ZNF268: variants seen among roughly 807,000 people sequenced by gnomAD.
ZNF268 encodes zinc finger protein 268, also known as zinc finger protein 3.
ZNF268 carries 20 observed loss-of-function variants against 29.3 expected under a neutral mutation model. The ratio of observed to expected loss-of-function variants is 0.68; its 90% CI spans 0.48 to 0.99. ZNF268 has a LOEUF of 0.99. Among genes scored for constraint, ZNF268 ranks in the 50% least tolerant of loss-of-function variants. ZNF268 has a pLI of 0.00. For synonymous variants in ZNF268, 429 were observed against 376.9 expected (o/e 1.14, Z -1.60); for missense variants, 1,240 against 1,121.6 (o/e 1.11, Z -1.51).
chr12:133,182,400 T>A (rs1336050654), intron 2 of ZNF268, among the ~76,000 whole-genome samples: 1 of 150,632 alleles, frequency 6.6e-6, no homozygotes, highest in Non-Finnish European at 1.5e-5. Flanking sequence ...CATTTTTTTT[T>A]ATTGTATTTT....
In ZNF268 at chr12:133,207,285, AACCATATTT is replaced by A; in HGVS notation, c.*2756_*2764del. 6.6e-6 allele frequency: 1 copy of A among 151,846 alleles called. No individual in the cohort carries two copies. The highest frequency in any genetic ancestry group is 6.6e-5 in the Admixed American group (1 of 15,212). 9.4% of individuals were successfully genotyped at this position (151,846 alleles called of 1,614,324 possible). A position where few individuals can be genotyped will look rare whatever the true frequency, so the allele number is the denominator to read the frequency against. On this transcript the variant is annotated 3_prime_UTR_variant, in exon 6 of 6. Coordinates refer to ENST00000536435, the MANE Select transcript of ZNF268 (RefSeq NM_003415.3). ...AATTTAGGAGAAAAAATGACTTGCA[AACCATATTT>A]GTGAACATAGGTTTAAAAATCCATA...
chr12:133,201,728 A>T (rs1305032037), intron 5 of ZNF268, among the ~76,000 whole-genome samples: 2 of 152,106 alleles, frequency 1.3e-5, no homozygotes, highest in African/African-American at 4.8e-5. Flanking sequence ...AGAAGTTAGC[A>T]TAGTGTTTGG....
intron 5 of ZNF268, among the ~76,000 whole-genome samples, chr12:133,198,375 T>C (rs1055922365): frequency 9.3e-5 from 14 of 150,892 alleles, no homozygotes; most frequent in African/African-American, 3.4e-4. Flanking sequence ...GAGGGCTCTG[T>C]TCTGTTCCAT....
rs867710467 is a variant in ZNF268 at position 133,203,982 on chromosome 12, C to T, written c.2296C>T (p.Gln766Ter). ...ECGKAFNRKDQLISHQRTHAG... is the reference protein window; with the variant it reads ...ECGKAFNRKD ...TGGGAAAGCCTTTAATAGGAAAGACCAGCTCATTTCACATCAGCGAACTCA... is the reference window on the plus strand; with the variant it reads ...TGGGAAAGCCTTTAATAGGAAAGACTAGCTCATTTCACATCAGCGAACTCA... Residue 766 changes from glutamine to a stop codon, truncating the protein, a stop_gained, in exon 6 of 6, where the codon CAG (glutamine) becomes TAG (stop). Transcript: ENST00000536435. LOFTEE classifies it low-confidence loss of function (END_TRUNC). The T allele has an allele frequency of 3.1e-6, 5 of 1,588,108 alleles. No individual in the cohort carries two copies. The African/African-American group carries it at 5.4e-5, about 17-fold the overall frequency.
chr12:133,189,214 C>CTTTTTT (rs561890644), intron 3 of ZNF268, among the ~76,000 whole-genome samples: 2 of 129,862 alleles, frequency 1.5e-5, no homozygotes, highest in African/African-American at 2.9e-5. Flanking sequence ...GTCTTAATTC[C>CTTTTTT]TTTTTTTTTT....
rs1956811343 is a variant in ZNF268 at position 133,203,529 on chromosome 12, A to C, written c.1843A>C (p.Ser615Arg). The change falls in exon 6 of 6, where the codon AGT becomes CGT. Residue 615 changes from serine to arginine, a missense_variant. By Grantham distance (110) the Ser-to-Arg change is moderately radical. Around this residue, in one of 3 missense-constraint regions of ZNF268, gnomAD observed 1,177 missense variants for 1,039.6 expected, o/e 1.13. Coordinates refer to ENST00000536435, the MANE Select transcript of ZNF268 (RefSeq NM_003415.3). ...THTGEKPFEC[S>R]ECQKAFNTKS... ...TACAGGGGAGAAACCATTTGAATGT[A>C]GTGAGTGTCAGAAAGCCTTTAATAC... 1.9e-6 allele frequency: 3 copies of C among 1,548,718 alleles called. No individual in the cohort carries two copies. The highest frequency in any genetic ancestry group is 2.6e-6 in the Non-Finnish European group (3 of 1,150,628).
chr12:133,198,921 TAAG>T (rs1447861680), intron 5 of ZNF268, among the ~76,000 whole-genome samples: 2 of 142,552 alleles, frequency 1.4e-5, no homozygotes, highest in Non-Finnish European at 3.1e-5. Context: ...CTTATCAGCT[TAAG>T]GAGATTTTGG....
At chr12:133,183,668 T>C (rs1956232382) in intron 2 of ZNF268, among the ~76,000 whole-genome samples, 1 of 152,060 alleles carries the variant, frequency 6.6e-6, no homozygotes, top group Non-Finnish European at 1.5e-5. Context: ...ACTGTCAGAA[T>C]TGTGATTGGT....
intron 5 of ZNF268, among the ~76,000 whole-genome samples, chr12:133,194,551 C>T (rs1956551629): frequency 6.6e-6 from 1 of 152,164 alleles, no homozygotes; most frequent in African/African-American, 2.4e-5. Context: ...CAGGAAAACT[C>T]ATCCCAGGAA....
chr12:133,203,162 A>T lies in ZNF268; in HGVS notation c.1476A>T (p.Arg492Ser). The T allele has an allele frequency of 6.5e-7, 1 of 1,537,726 alleles. No individual in the cohort carries two copies. Among genetic ancestry groups the T allele is most frequent in the Non-Finnish European group, 8.7e-7 (1 of 1,146,820 alleles). ...SLKSQLIVHQ[R>S]SHTGMKPYVC... ...AATCACAGCTCATTGTACATCAGAG[A>T]AGTCACACAGGAATGAAACCTTATG... The change falls in exon 6 of 6, where the codon AGA (arginine) becomes AGT (serine). Residue 492 changes from arginine (R) to serine (S), a missense_variant. Coordinates refer to ENST00000536435, the MANE Select transcript of ZNF268 (RefSeq NM_003415.3).
At chr12:133,200,267 G>T (rs1461959693) in intron 5 of ZNF268, among the ~76,000 whole-genome samples, 1 of 152,140 alleles carries the variant, frequency 6.6e-6, no homozygotes, top group Admixed American at 6.5e-5. Context: ...CTTTATTTCT[G>T]CCTTCATTTC....
At position 133,202,202 on chromosome 12, in the gene ZNF268, G is replaced by A. The variant is rs763815511; in HGVS notation, c.516G>A (p.Leu172=). 1 of 1,607,302 alleles carries A rather than the reference G, an allele frequency of 6.2e-7. No individual in the cohort carries two copies. Among genetic ancestry groups the A allele is most frequent in the Non-Finnish European group, 8.5e-7 (1 of 1,177,008 alleles). ...GGCATCAGGAAAATAAAGACAAGCT[G>A]GGAAGTACGGCAAAAAGCTTTGAAT... ...MDWHQENKDK[L]GSTAKSFECT... is the part of the protein sequence containing the mutation. Residue 172 remains leucine, a synonymous_variant, in exon 6 of 6, where the codon CTG becomes CTA. Transcript: ENST00000536435.
Position 133,212,566 on chromosome 12 carries a change from CATAT to C in ZNF268, c.*8042_*8045del, listed in dbSNP as rs1025146566. 12 of 149,174 alleles carry C rather than the reference CATAT, an allele frequency of 8.0e-5. No individual in the cohort carries two copies. Among genetic ancestry groups the C allele is most frequent in the Non-Finnish European group, 1.6e-4 (11 of 67,420 alleles). 9.2% of individuals were successfully genotyped at this position (149,174 alleles called of 1,614,324 possible). On this transcript the variant is annotated 3_prime_UTR_variant, in exon 6 of 6. Transcript: ENST00000536435. ...ATACACATATACACATATATATACA[CATAT>C]ATATAATAAGAACATTTACCATTTT...
intron 5 of ZNF268, chr12:133,193,384 T>G (rs1235932831): frequency 4.9e-6 from 3 of 611,456 alleles, no homozygotes. Context: ...TAAAATACTA[T>G]AGACTAGGTA....
Position 133,207,814 on chromosome 12 carries a change from CAG to C in ZNF268, c.*3286_*3287del, listed in dbSNP as rs1237568948. The C allele has an allele frequency of 2.0e-5, 3 of 151,856 alleles. No homozygotes were observed. Among genetic ancestry groups the C allele is most frequent in the Admixed American group, 6.6e-5 (1 of 15,184 alleles). 9.4% of individuals were successfully genotyped at this position (151,856 alleles called of 1,614,324 possible). A position where few individuals can be genotyped will look rare whatever the true frequency, so the allele number is the denominator to read the frequency against. ...CAGAACTAGACCCTGTCTCAAAAAACAGAAGAGTATGTTTGGAAGATTTAATA... is the reference window on the plus strand; with the variant it reads ...CAGAACTAGACCCTGTCTCAAAAAACAAGAGTATGTTTGGAAGATTTAATA... On this transcript the variant is annotated 3_prime_UTR_variant, in exon 6 of 6. Coordinates refer to ENST00000536435, the MANE Select transcript of ZNF268 (RefSeq NM_003415.3).
rs370486962 is a variant in ZNF268 at position 133,198,797 on chromosome 12, A to G, written c.458-3347A>G. Among the ~76,000 whole-genome samples the G allele has an allele frequency of 2.8e-4, 42 of 149,366 alleles. No individual in the cohort carries two copies. In the East Asian group the frequency reaches 5.8e-3, roughly 21 times the overall value. Reference sequence around the variant, plus strand: ...TAGGTATTTTATTCTCTTTGAAGCAATTGTGAATGGGAGTTCACTCATGAT... The same window carrying G: ...TAGGTATTTTATTCTCTTTGAAGCAGTTGTGAATGGGAGTTCACTCATGAT... On this transcript the variant is annotated intron_variant, in intron 5 of 5. Transcript: ENST00000536435.
In ZNF268 at chr12:133,212,528, T is replaced by C. The variant is rs1262393407; in HGVS notation, c.*7998T>C. On this transcript the variant is annotated 3_prime_UTR_variant, in exon 6 of 6. Transcript: ENST00000536435. ...ATATACACACACACATACACACATA[T>C]ATACACATATATATACACATATACA... 2.8e-5 allele frequency: 4 copies of C among 141,272 alleles called. No individual in the cohort carries two copies. In the East Asian group the frequency reaches 9.0e-4, roughly 32 times the overall value. The allele number at this position is 141,272 out of a possible 1,614,324, so 8.8% of individuals were successfully genotyped here. A position where few individuals can be genotyped will look rare whatever the true frequency, so the allele number is the denominator to read the frequency against.
At chr12:133,189,392 T>C (rs1297256322) in intron 3 of ZNF268, among the ~76,000 whole-genome samples, 1 of 152,014 alleles carries the variant, frequency 6.6e-6, no homozygotes, top group Non-Finnish European at 1.5e-5. Context: ...TTTTTGTATT[T>C]GTAGTAGAGA....
At chr12:133,200,836 A>G (rs1956736165) in intron 5 of ZNF268, among the ~76,000 whole-genome samples, 1 of 152,044 alleles carries the variant, frequency 6.6e-6, no homozygotes, top group Non-Finnish European at 1.5e-5. Context: ...TTATTCTGCT[A>G]GACCTTGGCT....
Sources: gnomAD v4.1 joint callset for allele counts (sites outside exome capture counted in the v4.1 genomes callset) on GRCh38, gnomAD v4.1.1 for gene constraint, gnomAD v4.1.1 regional missense constraint, MANE v1.5 for transcripts, NCBI Gene and HGNC (gene_info 2026-07-23, HGNC 2026-07-21) for gene names.